The following RALGAPA2 variants were observed in gnomAD, a reference collection of about 807,000 sequenced individuals.
RALGAPA2 encodes the protein ral GTPase-activating protein subunit alpha-2.
In RALGAPA2, 139 loss-of-function variants were observed where a neutral mutation model predicts 230.4. The observed-to-expected ratio is 0.60, with a 90% CI of 0.53 to 0.69. RALGAPA2 has a LOEUF of 0.69. Among genes scored for constraint, RALGAPA2 ranks in the 30% least tolerant of loss-of-function variants. The pLI, the probability that RALGAPA2 is intolerant of heterozygous loss-of-function variation, is 0.00. For missense variants in RALGAPA2, 2,163 were observed against 2,276.0 expected (o/e 0.95, Z 1.01); for synonymous variants, 847 against 837.8 (o/e 1.01, Z -0.19).
At position 20,524,489 on chromosome 20, in the gene RALGAPA2, T is replaced by A. The variant is rs745441297; in HGVS notation, c.3817A>T (p.Ser1273Cys). The change falls in exon 30 of 40, where the codon AGT (serine) becomes TGT (cysteine). Residue 1273 changes from serine to cysteine, a missense_variant. Ser to Cys is a moderately radical substitution (Grantham distance 112, BLOSUM62 -1). Transcript: ENST00000202677. ...GTGGACACGGGGTGGAGAAGGACAC[T>A]CACGGGCAATGCCATGCACCAGTCC... ...LLDWCMALPV[S>C]VLLHPVSTAV... is the part of the protein sequence containing the mutation. 4 of 1,613,792 alleles carry A rather than the reference T, an allele frequency of 2.5e-6. No homozygotes were observed. In the Admixed American group the frequency reaches 6.7e-5, roughly 27 times the overall value.
chr20:20,403,489 G>T (rs1010926403), intron 38 of RALGAPA2, among the ~76,000 whole-genome samples: 1 of 152,280 alleles, frequency 6.6e-6, no homozygotes, highest in African/African-American at 2.4e-5. Flanking sequence ...AAAGAGCAGA[G>T]TCAGCCTAGC....
At chr20:20,539,041 T>C (rs1028877319) in intron 24 of RALGAPA2, among the ~76,000 whole-genome samples, 3 of 152,250 alleles carry the variant, frequency 2.0e-5, no homozygotes, top group Admixed American at 1.3e-4. Context: ...GTTTTCATTG[T>C]ATATAATAAT....
chr20:20,575,627 T>C (rs1247065790), intron 20 of RALGAPA2, among the ~76,000 whole-genome samples: 1 of 152,146 alleles, frequency 6.6e-6, no homozygotes, highest in East Asian at 1.9e-4. Context: ...ACTTACAGTC[T>C]TCCTGTTTTT....
In RALGAPA2 at chr20:20,508,931, G is replaced by A. The variant is rs193260397; in HGVS notation, c.4928+2323C>T. 5.4e-3 allele frequency among the ~76,000 whole-genome samples: 823 copies of A among 152,324 alleles called. 7 individuals carry two copies. The highest frequency in any genetic ancestry group is 0.019 in the African/African-American group (780 of 41,562). ...ACTCAGCTATTCAAAGCCATATTTC[G>A]TTGCAACAGTACCCCAGGGAGCTAA... On this transcript the variant is annotated intron_variant, in intron 33 of 39. Transcript: ENST00000202677.
chr20:20,449,785 T>C (rs944616986), intron 37 of RALGAPA2, among the ~76,000 whole-genome samples: 1 of 152,270 alleles, frequency 6.6e-6, no homozygotes, highest in Non-Finnish European at 1.5e-5. Flanking sequence ...TGCTGTTGTC[T>C]GGAACTTATT....
At chr20:20,485,046 T>A (rs943613886) in intron 36 of RALGAPA2, among the ~76,000 whole-genome samples, 2 of 128,408 alleles carry the variant, frequency 1.6e-5, no homozygotes, top group Non-Finnish European at 3.4e-5. Flanking sequence ...CATTATGAGA[T>A]TTTTTTTTTT....
intron 25 of RALGAPA2, 110 bp from the exon 26 acceptor site, chr20:20,535,913 T>A: frequency 7.0e-7 from 1 of 1,421,092 alleles, no homozygotes; most frequent in Non-Finnish European, 9.2e-7. Context: ...ACCAGGGAGC[T>A]CAGAGAGCTC....
intron 14 of RALGAPA2, among the ~76,000 whole-genome samples, chr20:20,608,558 G>A (rs570603893): frequency 1.2e-4 from 18 of 152,120 alleles, no homozygotes; most frequent in East Asian, 7.7e-4. Context: ...AAAATGTCCC[G>A]TCCCTTTTAA....
intron 1 of RALGAPA2, among the ~76,000 whole-genome samples, chr20:20,681,651 A>T (rs2068525783): frequency 6.6e-6 from 1 of 152,182 alleles, no homozygotes; most frequent in South Asian, 2.1e-4. Flanking sequence ...CTGACCAAGG[A>T]GTTGGCACTT....
At chr20:20,668,390 G>A (rs753845216) in intron 3 of RALGAPA2, among the ~76,000 whole-genome samples, 9 of 152,104 alleles carry the variant, frequency 5.9e-5, no homozygotes, top group Non-Finnish European at 8.8e-5. Flanking sequence ...GCAACAGAGC[G>A]AGACTGTGTC....
At chr20:20,670,953 A>G (rs907084036) in intron 3 of RALGAPA2, among the ~76,000 whole-genome samples, 3 of 151,186 alleles carry the variant, frequency 2.0e-5, no homozygotes, top group Non-Finnish European at 3.0e-5. Flanking sequence ...CCGTCTCAAA[A>G]AAAAAAAAAA....
intron 3 of RALGAPA2, among the ~76,000 whole-genome samples, chr20:20,664,986 G>C (rs2067912348): frequency 6.6e-6 from 1 of 152,058 alleles, no homozygotes; most frequent in Non-Finnish European, 1.5e-5. Context: ...TCAAACACTA[G>C]ATGTCACTCT....
At chr20:20,538,772 T>G (rs937535699) in intron 24 of RALGAPA2, among the ~76,000 whole-genome samples, 7 of 151,874 alleles carry the variant, frequency 4.6e-5, no homozygotes, top group Non-Finnish European at 8.8e-5. Context: ...CTTTGTGGAG[T>G]GCAGAGAGAG....
intron 1 of RALGAPA2, among the ~76,000 whole-genome samples, chr20:20,711,116 TCA>T (rs1247208345): frequency 1.3e-5 from 2 of 152,192 alleles, no homozygotes; most frequent in African/African-American, 4.8e-5. Context: ...ACTGAACAAG[TCA>T]GTGTAACCTC....
intron 1 of RALGAPA2, among the ~76,000 whole-genome samples, chr20:20,704,595 A>G (rs2069522622): frequency 6.6e-6 from 1 of 152,212 alleles, no homozygotes; most frequent in African/African-American, 2.4e-5. Context: ...TTTAAGGCAC[A>G]TGCTCCCCAC....
rs765476190 is a variant in RALGAPA2 at position 20,524,562 on chromosome 20, C to T, written c.3763-19G>A. 1.4e-5 allele frequency: 22 copies of T among 1,613,452 alleles called. No individual in the cohort carries two copies. The highest frequency in any genetic ancestry group is 2.2e-5 in the East Asian group (1 of 44,866). On this transcript the variant is annotated intron_variant, in intron 29 of 39. Coordinates refer to ENST00000202677, the MANE Select transcript of RALGAPA2 (RefSeq NM_020343.4). ...CAATAAACTGGAAGAAGAACATGCCCGGTAGCTTATGCTGCAGTCTCTTAA... is the reference window on the plus strand; with the variant it reads ...CAATAAACTGGAAGAAGAACATGCCTGGTAGCTTATGCTGCAGTCTCTTAA...
At chr20:20,464,528 C>T (rs1732662760) in intron 37 of RALGAPA2, among the ~76,000 whole-genome samples, 2 of 152,192 alleles carry the variant, frequency 1.3e-5, no homozygotes, top group Admixed American at 1.3e-4. Context: ...TGGTACATTT[C>T]CCTCCCACTT....
chr20:20,700,224 T>C (rs1346993070), intron 1 of RALGAPA2, among the ~76,000 whole-genome samples: 2 of 152,056 alleles, frequency 1.3e-5, no homozygotes, highest in East Asian at 3.9e-4. Flanking sequence ...CCAAATACCA[T>C]ATGTTCTCAC....
At chr20:20,695,243 A>G (rs927217106) in intron 1 of RALGAPA2, among the ~76,000 whole-genome samples, 1 of 152,242 alleles carries the variant, frequency 6.6e-6, no homozygotes, top group Non-Finnish European at 1.5e-5. Flanking sequence ...CAGCACATAC[A>G]TGGTACATAA....
Sources: allele counts gnomAD v4.1 joint callset (sites outside exome capture counted in the v4.1 genomes callset), GRCh38; gene constraint gnomAD v4.1.1; transcripts MANE v1.5; gene names NCBI Gene and HGNC (gene_info 2026-07-23, HGNC 2026-07-21).